SVOPL: variants seen among roughly 807,000 people sequenced by gnomAD.
SVOPL encodes putative transporter SVOPL.
SVOPL carries 60 observed loss-of-function variants against 61.0 expected under a neutral mutation model. That is an observed-to-expected ratio of 0.98 (90% CI 0.80 to 1.22). The LOEUF (loss-of-function observed/expected upper bound fraction) is 1.22, where lower values mean the gene tolerates loss of function less well. SVOPL is among the 50% of genes most tolerant of loss of function. SVOPL has a pLI of 0.00. For missense variants in SVOPL, 662 were observed against 643.9 expected, an observed-to-expected ratio of 1.03 and a Z score of -0.30; for synonymous variants, 279 against 250.0, an observed-to-expected ratio of 1.12 and a Z score of -1.09.
chr7:138,608,696 C>G (rs546526121), intron 14 of SVOPL, among the ~76,000 whole-genome samples: 36 of 152,188 alleles, frequency 2.4e-4, no homozygotes, highest in Admixed American at 1.4e-3. Flanking sequence ...ACACTCCCCC[C>G]CCTTGCCCTC....
At chr7:138,645,494 TGTTG>T (rs1195200576) in intron 8 of SVOPL, among the ~76,000 whole-genome samples, 2 of 152,066 alleles carry the variant, frequency 1.3e-5, no homozygotes, top group Non-Finnish European at 2.9e-5. Flanking sequence ...TGGGTCCCCC[TGTTG>T]GTTATTCTGA....
chr7:138,630,192 T>C, intron 9 of SVOPL, 70 bp from the exon 10 acceptor site: 2 of 1,305,376 alleles, frequency 1.5e-6, no homozygotes, highest in Non-Finnish European at 1.1e-6. Context: ...TCCACTGTTT[T>C]CGATCATAGA....
At chr7:138,623,066 T>C (rs1400961747) in intron 13 of SVOPL, among the ~76,000 whole-genome samples, 1 of 152,190 alleles carries the variant, frequency 6.6e-6, no homozygotes, top group East Asian at 1.9e-4. Flanking sequence ...GCAAGATGCT[T>C]TCCGCCTCAC....
Position 138,594,901 on chromosome 7 carries a change from C to T in SVOPL, c.1468-280G>A, listed in dbSNP as rs559703862. Among the ~76,000 whole-genome samples, 52 of 151,318 alleles carry T rather than the reference C, an allele frequency of 3.4e-4. No homozygotes were observed. The South Asian group carries it at 0.01, about 30-fold the overall frequency. On this transcript the variant is annotated intron_variant, in intron 15 of 15. Coordinates refer to ENST00000674285, the MANE Select transcript of SVOPL (RefSeq NM_001139456.2). ...ATATACATACATACATATATATACA[C>T]GTGTGTGTCTGTGTATATATATAAC... is the stretch of plus-strand genomic sequence containing the variant.
rs771711914 is a variant in SVOPL at position 138,630,000 on chromosome 7, C to T, written c.863+49G>A. On this transcript the variant is annotated intron_variant, in intron 10 of 15. Transcript: ENST00000674285. ...ACATAGATTTACTTAAATAGGCTTC[C>T]TCCCAATGCCTCTATTTAAAACTAG... is the stretch of plus-strand genomic sequence containing the variant. The T allele has an allele frequency of 4.7e-6, 7 of 1,482,634 alleles. No individual in the cohort carries two copies. In the African/African-American group the frequency reaches 7.0e-5, roughly 15 times the overall value. The allele number at this position is 1,482,634 out of a possible 1,614,324, so 91.8% of individuals were successfully genotyped here. A position where few individuals can be genotyped will look rare whatever the true frequency, so the allele number is the denominator to read the frequency against.
chr7:138,649,723 T>C (rs1428219285), intron 7 of SVOPL, among the ~76,000 whole-genome samples: 1 of 152,118 alleles, frequency 6.6e-6, no homozygotes, highest in Non-Finnish European at 1.5e-5. Context: ...TCAGGGACAA[T>C]ATTGCTAAAG....
chr7:138,618,767 AAAG>A (rs1222781647), intron 14 of SVOPL, among the ~76,000 whole-genome samples: 1 of 152,114 alleles, frequency 6.6e-6, no homozygotes, highest in African/African-American at 2.4e-5. Flanking sequence ...GAAAAAAGAA[AAAG>A]AAGGAAGGAA....
intron 1 of SVOPL, among the ~76,000 whole-genome samples, chr7:138,693,877 G>A (rs1803008695): frequency 6.6e-6 from 1 of 152,170 alleles, no homozygotes; most frequent in South Asian, 2.1e-4. Flanking sequence ...AAACTTACAT[G>A]TTTAATAGAA....
In SVOPL at chr7:138,643,660, A is replaced by C. The variant is rs181433779; in HGVS notation, c.789+1057T>G. ...GCGAAATGAAATGAACCAGTCACAA[A>C]AAGACAAACACTGTATGATTCTACG... On this transcript the variant is annotated intron_variant, in intron 9 of 15. Transcript: ENST00000674285. Among the ~76,000 whole-genome samples, 4 of 152,066 alleles carry C rather than the reference A, an allele frequency of 2.6e-5. No individual in the cohort carries two copies. The East Asian group carries it at 7.7e-4, about 29-fold the overall frequency.
At chr7:138,614,939 A>C (rs372693071) in intron 14 of SVOPL, among the ~76,000 whole-genome samples, 6 of 152,272 alleles carry the variant, frequency 3.9e-5, no homozygotes, top group African/African-American at 1.4e-4. Context: ...CACCATGTGA[A>C]GTCTGGCCAC....
intron 13 of SVOPL, among the ~76,000 whole-genome samples, chr7:138,622,205 T>TCTATCTATCTATGTAA (rs1563096590): frequency 2.3e-4 from 22 of 95,250 alleles, no homozygotes; most frequent in South Asian, 4.5e-4. Context: ...TATCTATGTA[T>TCTATCTATCTATGTAA]CTATCTATCT....
At chr7:138,687,916 C>T (rs1251233176) in intron 1 of SVOPL, among the ~76,000 whole-genome samples, 1 of 151,910 alleles carries the variant, frequency 6.6e-6, no homozygotes, top group East Asian at 1.9e-4. Context: ...ATTCTCCTGC[C>T]TTAGCCTTCT....
At chr7:138,660,461 T>C (rs1212905911) in intron 5 of SVOPL, 1 of 987,888 alleles carries the variant, frequency 1.0e-6, no homozygotes, top group East Asian at 1.1e-4. Flanking sequence ...CCAGAGAAGA[T>C]AACTCTTAAC....
At chr7:138,631,353 C>G in intron 9 of SVOPL, among the ~76,000 whole-genome samples, 2 of 152,096 alleles carry the variant, frequency 1.3e-5, no homozygotes, top group East Asian at 1.9e-4. Flanking sequence ...CAATTACACA[C>G]CTTAAGTTAT....
At chr7:138,618,418 T>C (rs191810778) in intron 14 of SVOPL, among the ~76,000 whole-genome samples, 108 of 152,124 alleles carry the variant, frequency 7.1e-4, no homozygotes, top group African/African-American at 2.5e-3. Context: ...CCCAGCACTT[T>C]GGGAGGCGAG....
intron 14 of SVOPL, among the ~76,000 whole-genome samples, chr7:138,606,541 G>A (rs1463504227): frequency 6.6e-6 from 1 of 152,076 alleles, no homozygotes. Flanking sequence ...TGAAAGGGGA[G>A]GAAATTTTTT....
Position 138,676,299 on chromosome 7 carries a change from A to G in SVOPL, c.174+2135T>C, listed in dbSNP as rs112369393. On this transcript the variant is annotated intron_variant, in intron 3 of 15. Transcript: ENST00000674285. ...TTTGTCTTAGTCCATTTGTGCTGCTATCACAAAATACCTGAGACTGGGCAA... is the reference window on the plus strand; with the variant it reads ...TTTGTCTTAGTCCATTTGTGCTGCTGTCACAAAATACCTGAGACTGGGCAA... Among the ~76,000 whole-genome samples, 1,043 of 152,324 alleles carry G rather than the reference A, an allele frequency of 6.8e-3. 11 individuals are homozygous for G. Among genetic ancestry groups the G allele is most frequent in the African/African-American group, 0.022 (918 of 41,562 alleles).
At chr7:138,617,277 T>C (rs1799345767) in intron 14 of SVOPL, among the ~76,000 whole-genome samples, 1 of 152,092 alleles carries the variant, frequency 6.6e-6, no homozygotes, top group African/African-American at 2.4e-5. Context: ...GCCTGAAACA[T>C]TCATTTTAAA....
intron 4 of SVOPL, among the ~76,000 whole-genome samples, chr7:138,670,224 T>A (rs1401136398): frequency 6.6e-6 from 1 of 152,166 alleles, no homozygotes; most frequent in Non-Finnish European, 1.5e-5. Flanking sequence ...ACAGTTTAGA[T>A]AACAGCTCTT....
Sources: gnomAD v4.1 joint callset for allele counts (sites outside exome capture counted in the v4.1 genomes callset) on GRCh38, gnomAD v4.1.1 for gene constraint, MANE v1.5 for transcripts, NCBI Gene and HGNC (gene_info 2026-07-23, HGNC 2026-07-21) for gene names.